Variants in PAPPA observed in about 807,000 individuals in gnomAD.
PAPPA encodes pappalysin-1.
In PAPPA, 60 loss-of-function variants were observed where a neutral mutation model predicts 164.0. That is an observed-to-expected ratio of 0.37 (90% CI 0.30 to 0.45). PAPPA has a LOEUF of 0.45. Ranked by LOEUF, PAPPA falls within the 20% of genes least tolerant of loss-of-function variation. PAPPA has a pLI of 1.00. For synonymous variants in PAPPA, 875 were observed against 814.1 expected (o/e 1.07, Z -1.27); for missense variants, 1,782 against 2,087.3 (o/e 0.85, Z 2.85).
chr9:116,198,514 T>C (rs377197441), intron 2 of PAPPA, among the ~76,000 whole-genome samples: 33 of 152,346 alleles, frequency 2.2e-4, no homozygotes, highest in African/African-American at 7.2e-4. Context: ...ACATCTGTAA[T>C]TCTGCCCTTT....
intron 6 of PAPPA, among the ~76,000 whole-genome samples, chr9:116,230,797 C>T (rs1196928337): frequency 6.6e-6 from 1 of 152,048 alleles, no homozygotes; most frequent in African/African-American, 2.4e-5. Context: ...ATATTTGACG[C>T]CATGTTTTAT....
At chr9:116,168,525 T>A (rs1843739845) in intron 1 of PAPPA, among the ~76,000 whole-genome samples, 1 of 152,194 alleles carries the variant, frequency 6.6e-6, no homozygotes, top group Non-Finnish European at 1.5e-5. Context: ...TGCTCTGAAA[T>A]TTCAAAGGCA....
chr9:116,208,978 G>A (rs1452787074), intron 3 of PAPPA, among the ~76,000 whole-genome samples: 1 of 152,136 alleles, frequency 6.6e-6, no homozygotes, highest in African/African-American at 2.4e-5. Flanking sequence ...TCTTACAAAT[G>A]GGGGAATGCT....
In PAPPA at chr9:116,154,344, T is replaced by TCGC. The variant is rs554355760; in HGVS notation, c.193_195dup (p.Pro65dup). The TCGC allele has an allele frequency of 0.01, 8,514 of 825,722 alleles. 683 individuals carry two copies. In the African/African-American group the frequency reaches 0.15, roughly 15 times the overall value. The allele number at this position is 825,722 out of a possible 1,614,324, so 51.1% of individuals were successfully genotyped here. A position where few individuals can be genotyped will look rare whatever the true frequency, so the allele number is the denominator to read the frequency against. On this transcript the variant is annotated inframe_insertion, in exon 1 of 22. Coordinates refer to ENST00000328252, the MANE Select transcript of PAPPA (RefSeq NM_002581.5). This position sits in a 1 kb window ranked among gnomAD's most constrained non-coding sequence, Gnocchi z 5.2. ...CCGGGCGGCCCGCGGCCGCCGCGCC[T>TCGC]CGCCGCCGCCGCCGCCGCCGCCGGG...
At chr9:116,226,191 T>C (rs1295044676) in intron 5 of PAPPA, among the ~76,000 whole-genome samples, 1 of 152,136 alleles carries the variant, frequency 6.6e-6, no homozygotes, top group Non-Finnish European at 1.5e-5. Context: ...GAAAGAGCAT[T>C]GAATACCACA....
At chr9:116,156,734 G>C (rs577355115) in intron 1 of PAPPA, among the ~76,000 whole-genome samples, 1 of 152,282 alleles carries the variant, frequency 6.6e-6, no homozygotes, top group East Asian at 1.9e-4. Context: ...AGCCAGAAAA[G>C]ACTCATTCTG....
intron 3 of PAPPA, among the ~76,000 whole-genome samples, chr9:116,211,386 A>G (rs911529532): frequency 3.9e-5 from 6 of 152,162 alleles, no homozygotes; most frequent in African/African-American, 1.4e-4. Context: ...AAGTCCCTTC[A>G]CCTCTTTAAG....
intron 1 of PAPPA, among the ~76,000 whole-genome samples, chr9:116,182,733 A>G (rs902626889): frequency 1.3e-5 from 2 of 152,158 alleles, no homozygotes; most frequent in South Asian, 2.1e-4. Flanking sequence ...AAAAATAGAC[A>G]TCAAGCTTCT....
chr9:116,312,912 T>C (rs1335500868), intron 10 of PAPPA, among the ~76,000 whole-genome samples: 3 of 151,792 alleles, frequency 2.0e-5, no homozygotes, highest in Admixed American at 6.6e-5. Context: ...TGAAACCTCA[T>C]CTCTACTAAA....
At chr9:116,209,550 A>G (rs2118680820) in intron 3 of PAPPA, among the ~76,000 whole-genome samples, 1 of 152,306 alleles carries the variant, frequency 6.6e-6, no homozygotes, top group South Asian at 2.1e-4. Context: ...GGGAGGCTAT[A>G]AATCCATAGC....
intron 1 of PAPPA, among the ~76,000 whole-genome samples, chr9:116,184,843 C>T (rs532427606): frequency 1.2e-4 from 19 of 152,202 alleles, no homozygotes; most frequent in South Asian, 4.2e-4. Flanking sequence ...TTCTCGTCTC[C>T]GGCTCTATTT....
intron 19 of PAPPA, among the ~76,000 whole-genome samples, chr9:116,368,955 G>A (rs1846536989): frequency 6.6e-6 from 1 of 152,012 alleles, no homozygotes. Context: ...TGTGCGCCCC[G>A]GCATGCTCCT....
At chr9:116,383,462 C>T (rs10817882) in intron 21 of PAPPA, among the ~76,000 whole-genome samples, 117,044 of 152,134 alleles carry the variant, frequency 0.77, 45,265 homozygotes, top group African/African-American at 0.85. Context: ...GGCCCAAACG[C>T]TTCATTTTAT....
At chr9:116,292,295 C>A (rs1845446511) in intron 9 of PAPPA, among the ~76,000 whole-genome samples, 1 of 152,116 alleles carries the variant, frequency 6.6e-6, no homozygotes, top group Admixed American at 6.6e-5. Context: ...AGCACTATAG[C>A]TGTTCTGAAG....
intron 10 of PAPPA, among the ~76,000 whole-genome samples, chr9:116,312,816 G>A (rs1241490937): frequency 1.3e-5 from 2 of 151,978 alleles, no homozygotes; most frequent in Admixed American, 6.6e-5. Flanking sequence ...AGGCGTGGTG[G>A]CTCACGCCTG....
chr9:116,245,232 T>C (rs968972408), intron 7 of PAPPA, among the ~76,000 whole-genome samples: 2 of 152,112 alleles, frequency 1.3e-5, no homozygotes, highest in African/African-American at 4.8e-5. Flanking sequence ...AGACCGTAGA[T>C]ACCCCCCAAA....
At chr9:116,213,229 C>T (rs1484275481) in intron 4 of PAPPA, among the ~76,000 whole-genome samples, 1 of 152,170 alleles carries the variant, frequency 6.6e-6, no homozygotes, top group African/African-American at 2.4e-5. Context: ...TGCCTCATTG[C>T]ATTTGAAGAG....
chr9:116,366,903 T>C (rs1437242507), intron 18 of PAPPA, among the ~76,000 whole-genome samples: 3 of 151,938 alleles, frequency 2.0e-5, no homozygotes, highest in African/African-American at 7.3e-5. Context: ...GTGGGAAGGG[T>C]CTTTAAGGCA....
intron 7 of PAPPA, among the ~76,000 whole-genome samples, chr9:116,255,987 T>C (rs1844922785): frequency 6.7e-6 from 1 of 150,302 alleles, no homozygotes; most frequent in Admixed American, 6.6e-5. Context: ...GGTGTGAAAA[T>C]GCCTGAGCTG....
Sources: gnomAD v4.1 joint callset for allele counts (sites outside exome capture counted in the v4.1 genomes callset) on GRCh38, gnomAD v4.1.1 for gene constraint, Gnocchi (gnomAD v3.1) non-coding constraint, MANE v1.5 for transcripts, NCBI Gene and HGNC (gene_info 2026-07-23, HGNC 2026-07-21) for gene names.